Variants in MRPL45 observed in about 807,000 individuals in gnomAD.
MRPL45 encodes mitochondrial ribosomal protein L45.
MRPL45 carries 20 observed loss-of-function variants against 38.1 expected under a neutral mutation model. The ratio of observed to expected loss-of-function variants is 0.53; its 90% CI spans 0.37 to 0.76. MRPL45 has a LOEUF of 0.76. Among genes scored for constraint, MRPL45 ranks in the 30% least tolerant of loss-of-function variants. MRPL45 has a pLI of 0.00. For synonymous variants in MRPL45, 105 were observed against 128.8 expected (o/e 0.82, Z 1.25); for missense variants, 337 against 395.6 (o/e 0.85, Z 1.26).
intron 4 of MRPL45, among the ~76,000 whole-genome samples, chr17:38,314,161 A>G (rs2037152240): frequency 2.0e-5 from 3 of 150,102 alleles, no homozygotes; most frequent in Admixed American, 1.3e-4. Context: ...CTGGAGTGCA[A>G]TGGCGTGATC....
Position 38,306,609 on chromosome 17 carries a change from G to A in MRPL45, c.439G>A (p.Glu147Lys), listed in dbSNP as rs1378170271. The change falls in exon 4 of 8, where the codon GAA becomes AAA. Residue 147 changes from glutamate (E) to lysine (K), a missense_variant. Coordinates refer to ENST00000613675, the MANE Select transcript of MRPL45 (RefSeq NM_032351.6). ...FPEKAKDIFI[E>K]AHLCLNNSDH... ...TGAAAAAGCTAAGGATATCTTTATT[G>A]AAGCTCACCTTTGTCTAAATAAGTA... The A allele has an allele frequency of 4.3e-6, 7 of 1,613,386 alleles. No individual in the cohort carries two copies. Among genetic ancestry groups the A allele is most frequent in the Non-Finnish European group, 5.9e-6 (7 of 1,179,772 alleles).
intron 4 of MRPL45, among the ~76,000 whole-genome samples, chr17:38,312,679 T>G (rs1393979512): frequency 2.6e-5 from 4 of 152,010 alleles, no homozygotes; most frequent in Admixed American, 2.0e-4. Context: ...CCCATCTCTA[T>G]AAAAAATTTA....
chr17:38,306,660 CT>C (rs750167633), intron 4 of MRPL45, 29 bp downstream of exon 4: 2 of 1,610,220 alleles, frequency 1.2e-6, no homozygotes, highest in Non-Finnish European at 1.7e-6. Context: ...TTTACCCATT[CT>C]GTTCTCAGCA....
At chr17:38,319,488 G>T (rs914874520) in intron 5 of MRPL45, among the ~76,000 whole-genome samples, 8 of 152,136 alleles carry the variant, frequency 5.3e-5, no homozygotes, top group Admixed American at 3.3e-4. Context: ...TCTTAAGAAG[G>T]ATCAGTTTTG....
intron 4 of MRPL45, among the ~76,000 whole-genome samples, chr17:38,310,993 T>C (rs1829510473): frequency 6.6e-6 from 1 of 152,162 alleles, no homozygotes; most frequent in Admixed American, 6.6e-5. Flanking sequence ...AGATTAATAA[T>C]AGCTTTTATA....
chr17:38,313,943 G>A (rs1361034120), intron 4 of MRPL45, among the ~76,000 whole-genome samples: 5 of 152,116 alleles, frequency 3.3e-5, no homozygotes, highest in African/African-American at 7.2e-5. Context: ...GATTACAGGC[G>A]TGAGCCACTG....
intron 4 of MRPL45, among the ~76,000 whole-genome samples, chr17:38,309,618 T>C (rs1014723694): frequency 5.8e-5 from 2 of 34,548 alleles, no homozygotes; most frequent in Admixed American, 4.9e-4. Context: ...TAAATTTTTA[T>C]TTTTATTTTT....
intron 3 of MRPL45, 81 bp downstream of exon 3, chr17:38,299,549 G>A (rs1287024394): frequency 6.3e-6 from 7 of 1,117,450 alleles, no homozygotes; most frequent in Admixed American, 5.6e-5. Context: ...ACCTTTTTGG[G>A]TTAATTGGGT....
intron 4 of MRPL45, among the ~76,000 whole-genome samples, chr17:38,312,511 T>G (rs1204734587): frequency 6.6e-6 from 1 of 152,182 alleles, no homozygotes; most frequent in East Asian, 1.9e-4. Context: ...GAGCTCGTGC[T>G]TTCAATTCAT....
intron 3 of MRPL45, among the ~76,000 whole-genome samples, chr17:38,303,481 A>G (rs2037019987): frequency 6.6e-6 from 1 of 151,880 alleles, no homozygotes; most frequent in African/African-American, 2.4e-5. Context: ...TTTTTAGTAC[A>G]GACGGGGTTT....
rs145571137 is a variant in MRPL45 at position 38,322,082 on chromosome 17, A to C, written c.661-44A>C. ...AATAAAACAAACAACTCACACTCACACACCAAAAAAACTAAGAGGCCAGAT... is the reference window on the plus strand; with the variant it reads ...AATAAAACAAACAACTCACACTCACCCACCAAAAAAACTAAGAGGCCAGAT... On this transcript the variant is annotated intron_variant, in intron 6 of 7. Coordinates refer to ENST00000613675, the MANE Select transcript of MRPL45 (RefSeq NM_032351.6). 2.3e-4 allele frequency: 368 copies of C among 1,592,976 alleles called. 3 individuals carry two copies. The East Asian group carries it at 7.6e-3, about 33-fold the overall frequency.
intron 5 of MRPL45, among the ~76,000 whole-genome samples, chr17:38,319,824 C>T (rs1027504001): frequency 5.3e-5 from 8 of 152,040 alleles, no homozygotes; most frequent in Admixed American, 2.0e-4. Flanking sequence ...AACTTGGGGC[C>T]GGGTGCGGTG....
intron 4 of MRPL45, among the ~76,000 whole-genome samples, chr17:38,313,349 T>TATATATATATATACATATATATATATAC (rs2037141738): frequency 5.2e-5 from 1 of 19,078 alleles, no homozygotes; most frequent in African/African-American, 2.2e-4. Context: ...TATATATACG[T>TATATATATATATACATATATATATATAC]ATATATATAT....
intron 4 of MRPL45, among the ~76,000 whole-genome samples, chr17:38,315,715 G>A (rs573250931): frequency 6.6e-6 from 1 of 150,882 alleles, no homozygotes; most frequent in African/African-American, 2.4e-5. Flanking sequence ...ATCAGATTTG[G>A]GATGTCTGCA....
In MRPL45 at chr17:38,320,888, C is replaced by G. The variant is rs1048557826; in HGVS notation, c.660+121C>G. Reference sequence around the variant, plus strand: ...ACAGTAATAAAAGGTACACTGTGATCTGTCTTCCTTGCTGTGCCGCTGTCC... The same window carrying G: ...ACAGTAATAAAAGGTACACTGTGATGTGTCTTCCTTGCTGTGCCGCTGTCC... On this transcript the variant is annotated intron_variant, in intron 6 of 7. Transcript: ENST00000613675. The G allele has an allele frequency of 1.5e-5, 14 of 940,672 alleles. No homozygotes were observed. The African/African-American group carries it at 2.3e-4, about 15-fold the overall frequency. The allele number at this position is 940,672 out of a possible 1,614,324, so 58.3% of individuals were successfully genotyped here. A position where few individuals can be genotyped will look rare whatever the true frequency, so the allele number is the denominator to read the frequency against.
intron 5 of MRPL45, among the ~76,000 whole-genome samples, chr17:38,319,380 G>C (rs2037208527): frequency 6.6e-6 from 1 of 151,776 alleles, no homozygotes; most frequent in South Asian, 2.1e-4. Context: ...CGTTGGTCAG[G>C]CTGGTCTCCA....
rs778673434 is a variant in MRPL45, at chr17:38,320,774, G to A, written c.660+7G>A. Reference sequence around the variant, plus strand: ...ACGCATGCACACCCGGCAGGTAGAGGCACTCGTCTGCCTTCCTCCCAGCTT... The same window carrying A: ...ACGCATGCACACCCGGCAGGTAGAGACACTCGTCTGCCTTCCTCCCAGCTT... On this transcript the variant is annotated splice_region_variant and intron_variant, in intron 6 of 7. Coordinates refer to ENST00000613675, the MANE Select transcript of MRPL45 (RefSeq NM_032351.6). 3.7e-6 allele frequency: 6 copies of A among 1,613,340 alleles called. No homozygotes were observed. The African/African-American group carries it at 8.0e-5, about 22-fold the overall frequency.
chr17:38,310,392 G>T (rs2037100408), intron 4 of MRPL45, among the ~76,000 whole-genome samples: 1 of 150,416 alleles, frequency 6.6e-6, no homozygotes, highest in Non-Finnish European at 1.5e-5. Flanking sequence ...GCAGTGGTGT[G>T]ATCTCCGCTC....
intron 4 of MRPL45, among the ~76,000 whole-genome samples, chr17:38,315,539 G>T (rs1396639707): frequency 6.6e-6 from 1 of 152,030 alleles, no homozygotes; most frequent in Non-Finnish European, 1.5e-5. Context: ...AATGTGTTGG[G>T]ATTATAGGCA....
Sources: gnomAD v4.1 joint callset for allele counts (sites outside exome capture counted in the v4.1 genomes callset) on GRCh38, gnomAD v4.1.1 for gene constraint, MANE v1.5 for transcripts, NCBI Gene and HGNC (gene_info 2026-07-23, HGNC 2026-07-21) for gene names.